Variants in DNAH7 observed in about 807,000 individuals in gnomAD.
DNAH7 encodes the protein axonemal beta dynein heavy chain 7.
In DNAH7, 397 loss-of-function variants were observed where a neutral mutation model predicts 444.6. The ratio of observed to expected loss-of-function variants is 0.89; its 90% CI spans 0.82 to 0.97. The LOEUF is 0.97. DNAH7 is among the 50% of genes least tolerant of loss of function. The pLI, the probability that DNAH7 is intolerant of heterozygous loss-of-function variation, is 0.00. For synonymous variants in DNAH7, 1,636 were observed against 1,624.4 expected, an observed-to-expected ratio of 1.01 and a Z score of -0.17; for missense variants, 4,902 against 4,800.8, an observed-to-expected ratio of 1.02 and a Z score of -0.62.
At chr2:195,749,790 C>A (rs1392868852) in intron 63 of DNAH7, among the ~76,000 whole-genome samples, 1 of 139,754 alleles carries the variant, frequency 7.2e-6, no homozygotes, top group Non-Finnish European at 1.5e-5. Flanking sequence ...AATGAGGACA[C>A]ATGGACACAG....
Position 195,888,832 on chromosome 2 carries a change from C to T in DNAH7, c.5196G>A (p.Glu1732=), listed in dbSNP as rs768112389. 6.2e-7 allele frequency: 1 copy of T among 1,612,648 alleles called. No individual in the cohort carries two copies. The highest frequency in any genetic ancestry group is 2.2e-5 in the East Asian group (1 of 44,834). The change falls in exon 32 of 65, where the codon GAG becomes GAA. Residue 1732 remains glutamate (E), a synonymous_variant. Coordinates refer to ENST00000312428, the MANE Select transcript of DNAH7 (RefSeq NM_018897.3). ...QMSPQMNLIF[E]PMDLEVASPA... Reference sequence around the variant, plus strand: ...GGGAAGCAACTTCTAAATCCATTGGCTCAAAAATTAGATTCATTTGTGGTG... The same window carrying T: ...GGGAAGCAACTTCTAAATCCATTGGTTCAAAAATTAGATTCATTTGTGGTG...
intron 2 of DNAH7, among the ~76,000 whole-genome samples, chr2:196,053,456 C>T (rs1366738562): frequency 6.6e-6 from 1 of 152,200 alleles, no homozygotes; most frequent in Non-Finnish European, 1.5e-5. Flanking sequence ...AATTATAATG[C>T]TATCCTGTTT....
chr2:195,864,435 G>A lies in DNAH7; in HGVS notation c.7220C>T (p.Ser2407Phe). Residue 2407 changes from serine to phenylalanine, a missense_variant, in exon 41 of 65, where the codon TCT (serine) becomes TTT (phenylalanine). Transcript: ENST00000312428. ...LFTDTQIKEE[S>F]FLEDVSNLLN... ...CAGATTACTGACATCTTCCAGAAAAGACTCTTCTTTAATTTGAGTATCTGT... is the reference window on the plus strand; with the variant it reads ...CAGATTACTGACATCTTCCAGAAAAAACTCTTCTTTAATTTGAGTATCTGT... 6.2e-7 allele frequency: 1 copy of A among 1,614,136 alleles called. No individual in the cohort carries two copies. The highest frequency in any genetic ancestry group is 8.5e-7 in the Non-Finnish European group (1 of 1,180,032).
intron 62 of DNAH7, among the ~76,000 whole-genome samples, chr2:195,755,070 A>AC (rs1694005905): frequency 6.6e-6 from 1 of 152,232 alleles, no homozygotes; most frequent in Non-Finnish European, 1.5e-5. Flanking sequence ...AACGCTCCCT[A>AC]CAATAGTGAA....
intron 60 of DNAH7, among the ~76,000 whole-genome samples, chr2:195,773,252 A>T (rs1694924344): frequency 6.6e-6 from 1 of 152,216 alleles, no homozygotes; most frequent in African/African-American, 2.4e-5. Flanking sequence ...AACAAAATAT[A>T]AAAAACAAAT....
Position 195,960,562 on chromosome 2 carries a change from G to GT in DNAH7, c.2588dup (p.Tyr863Ter). The change falls in exon 18 of 65, where the codon TAC becomes TAAC. Residue 863 changes from tyrosine to a stop codon, truncating the protein, a stop_gained and frameshift_variant. Coordinates refer to ENST00000312428, the MANE Select transcript of DNAH7 (RefSeq NM_018897.3). LOFTEE classifies it high-confidence loss of function. ...HWEAMSAIVG[Y>*]PLQPSDDSTV... ...TGGAGTCATCTGATGGCTGCAAAGGGTAACCAACAATGGCAGACATGGCCT... is the reference window on the plus strand; with the variant it reads ...TGGAGTCATCTGATGGCTGCAAAGGGTTAACCAACAATGGCAGACATGGCCT... The GT allele has an allele frequency of 6.2e-7, 1 of 1,614,216 alleles. No individual in the cohort carries two copies. The highest frequency in any genetic ancestry group is 1.1e-5 in the South Asian group (1 of 91,080).
chr2:196,039,383 A>G (rs1696588102), intron 5 of DNAH7, among the ~76,000 whole-genome samples: 1 of 152,216 alleles, frequency 6.6e-6, no homozygotes. Flanking sequence ...ATAGTAAGAA[A>G]CCCATAAAAA....
chr2:195,943,849 C>T (rs1322427599), intron 19 of DNAH7, among the ~76,000 whole-genome samples: 2 of 152,140 alleles, frequency 1.3e-5, no homozygotes, highest in African/African-American at 2.4e-5. Context: ...GTGGCATATG[C>T]CGGTTGACAT....
At chr2:195,947,996 T>C (rs1466884819) in intron 19 of DNAH7, among the ~76,000 whole-genome samples, 1 of 152,222 alleles carries the variant, frequency 6.6e-6, no homozygotes, top group Non-Finnish European at 1.5e-5. Context: ...CTAACTGGCA[T>C]GAGATGGTAT....
At chr2:195,794,645 A>T in intron 56 of DNAH7, 107 bp from the exon 57 acceptor site, 1 of 1,032,410 alleles carries the variant, frequency 9.7e-7, no homozygotes, top group Non-Finnish European at 1.4e-6. Context: ...ATTTTTACAA[A>T]GTAGAAATGT....
In DNAH7 at chr2:195,737,765, A is replaced by ATTAAG. The variant is rs927949513; in HGVS notation, c.*151_*155dup. 1.1e-5 allele frequency: 7 copies of ATTAAG among 638,060 alleles called. No individual in the cohort carries two copies. The highest frequency in any genetic ancestry group is 3.0e-5 in the Admixed American group (1 of 33,662). The allele number at this position is 638,060 out of a possible 1,614,324, so 39.5% of individuals were successfully genotyped here. A position where few individuals can be genotyped will look rare whatever the true frequency, so the allele number is the denominator to read the frequency against. Reference sequence around the variant, plus strand: ...TTCCTTACATTTAAGTATGAGTCATATTAAGTTTAGCTGCATTTGCTCATA... The same window carrying ATTAAG: ...TTCCTTACATTTAAGTATGAGTCATATTAAGTTAAGTTTAGCTGCATTTGCTCATA... On this transcript the variant is annotated 3_prime_UTR_variant, in exon 65 of 65. Coordinates refer to ENST00000312428, the MANE Select transcript of DNAH7 (RefSeq NM_018897.3).
At chr2:195,867,282 TTA>T (rs1700401136) in intron 40 of DNAH7, among the ~76,000 whole-genome samples, 1 of 152,166 alleles carries the variant, frequency 6.6e-6, no homozygotes, top group Non-Finnish European at 1.5e-5. Context: ...CAAGGAACCA[TTA>T]TTCTATCACC....
chr2:195,829,017 T>G (rs1697931246), intron 48 of DNAH7, among the ~76,000 whole-genome samples: 1 of 152,186 alleles, frequency 6.6e-6, no homozygotes, highest in African/African-American at 2.4e-5. Flanking sequence ...AACTTTCAGT[T>G]TTCCTGTCAG....
intron 5 of DNAH7, among the ~76,000 whole-genome samples, chr2:196,043,392 C>A (rs935138010): frequency 3.3e-5 from 5 of 152,016 alleles, no homozygotes; most frequent in African/African-American, 1.2e-4. Context: ...ATGGTTATCT[C>A]TCGCCTTATA....
chr2:195,994,342 G>A, intron 12 of DNAH7: 1 of 624,704 alleles, frequency 1.6e-6, no homozygotes, highest in South Asian at 1.7e-5. Flanking sequence ...AGGCTCAGGA[G>A]ACAGTCCTCT....
chr2:195,955,443 T>G (rs1225547150), intron 19 of DNAH7, among the ~76,000 whole-genome samples: 1 of 152,194 alleles, frequency 6.6e-6, no homozygotes, highest in Non-Finnish European at 1.5e-5. Flanking sequence ...TAGTATAGTT[T>G]GAAGTCAGGT....
intron 51 of DNAH7, among the ~76,000 whole-genome samples, chr2:195,812,884 CTCTTTT>C (rs1167389444): frequency 6.6e-6 from 1 of 152,146 alleles, no homozygotes; most frequent in Non-Finnish European, 1.5e-5. Context: ...AGAACTCATT[CTCTTTT>C]TAATTTCTGA....
chr2:195,740,601 GTGTGTGTGTGTGTGTA>G (rs1321545956), intron 64 of DNAH7, among the ~76,000 whole-genome samples, 149 bp downstream of exon 64: 955 of 46,636 alleles, frequency 0.02, 9 homozygotes, highest in African/African-American at 0.069. Context: ...GTGTGTGTGT[GTGTGTGTGTGTGTGTA>G]TATATATATA....
At position 195,923,764 on chromosome 2, in the gene DNAH7, T is replaced by A. The variant is rs199554102; in HGVS notation, c.3656A>T (p.Asp1219Val). Reference protein sequence around the residue: ...YLKTCNRQIDDIVTLVRGKLS... With the variant: ...YLKTCNRQIDVIVTLVRGKLS... ...TTTGCCACGCACCAAAGTGACAATA[T>A]CATCAATTTGTCTGTTACATGTTTT... Residue 1219 changes from aspartate (D) to valine (V), a missense_variant, in exon 23 of 65, where the codon GAT becomes GTT. Physicochemically the swap from Asp to Val is radical, Grantham distance 152. Coordinates refer to ENST00000312428, the MANE Select transcript of DNAH7 (RefSeq NM_018897.3). 1.9e-6 allele frequency: 3 copies of A among 1,614,014 alleles called. No individual in the cohort carries two copies. The highest frequency in any genetic ancestry group is 2.5e-6 in the Non-Finnish European group (3 of 1,180,028).
Sources: allele counts gnomAD v4.1 joint callset (sites outside exome capture counted in the v4.1 genomes callset), GRCh38; gene constraint gnomAD v4.1.1; transcripts MANE v1.5; gene names NCBI Gene and HGNC (gene_info 2026-07-23, HGNC 2026-07-21).